FRYL: variants seen among roughly 807,000 people sequenced by gnomAD.
The protein encoded by FRYL is FRY like transcription coactivator, also known as protein furry homolog-like.
Under a neutral mutation model 351.2 loss-of-function variants are expected in FRYL, and 150 were observed. The observed-to-expected ratio is 0.43, with a 90% CI of 0.37 to 0.49. The LOEUF is 0.49. Among genes scored for constraint, FRYL ranks in the 20% least tolerant of loss-of-function variants. FRYL has a pLI of 0.00. For missense variants in FRYL, 3,036 were observed against 3,619.3 expected (o/e 0.84, Z 4.13); for synonymous variants, 1,153 against 1,257.1 (o/e 0.92, Z 1.75).
chr4:48,565,768 T>A, intron 28 of FRYL, 77 bp from the exon 29 acceptor site: 1 of 1,346,374 alleles, frequency 7.4e-7, no homozygotes, highest in Non-Finnish European at 1.0e-6. Flanking sequence ...TGTTATTGAA[T>A]GTGTAATAGT....
intron 1 of FRYL, among the ~76,000 whole-genome samples, chr4:48,773,494 T>C (rs1211922105): frequency 1.3e-5 from 2 of 152,102 alleles, no homozygotes; most frequent in African/African-American, 4.8e-5. Flanking sequence ...GAAACCTAAA[T>C]TGTTTACTTG....
In FRYL at chr4:48,591,667, G is replaced by A. The variant is rs1312459548; in HGVS notation, c.1336-837C>T. On this transcript the variant is annotated intron_variant, in intron 16 of 63. Transcript: ENST00000358350. ...TGACCTGGGTATTAAATGTTAGACT[G>A]CTTCAAGGCAACGTTCTCCTGGGCT... Among the ~76,000 whole-genome samples, 4 of 152,046 alleles carry A rather than the reference G, an allele frequency of 2.6e-5. No homozygotes were observed. In the South Asian group the frequency reaches 6.2e-4, roughly 24 times the overall value.
chr4:48,622,324 G>A (rs1750820870), intron 5 of FRYL, among the ~76,000 whole-genome samples: 2 of 152,136 alleles, frequency 1.3e-5, no homozygotes, highest in African/African-American at 2.4e-5. Context: ...TAGTCTTATT[G>A]TAACAGAGGT....
intron 33 of FRYL, among the ~76,000 whole-genome samples, chr4:48,558,513 T>G (rs544225504): frequency 6.6e-6 from 1 of 152,336 alleles, no homozygotes; most frequent in South Asian, 2.1e-4. Context: ...AGAGGTCTAT[T>G]TCACAACAAT....
intron 49 of FRYL, among the ~76,000 whole-genome samples, chr4:48,531,917 G>A (rs1448566791): frequency 2.6e-5 from 4 of 151,720 alleles, no homozygotes. Context: ...TGTAGGGTGA[G>A]GTTTTTTTTT....
Position 48,531,264 on chromosome 4 carries a change from G to C in FRYL, c.6795C>G (p.Thr2265=), listed in dbSNP as rs1346979690. ...CAGGAGAACCTGTATCTCCTCCATA[G>C]GTCTTGGGGATATCACTGGGTACGA... ...SLVVPSDIPK[T]YGGDTGSPEI... is the part of the protein sequence containing the mutation. The change falls in exon 50 of 64, where the codon ACC becomes ACG. Residue 2265 remains threonine (T), a synonymous_variant. Coordinates refer to ENST00000358350, the MANE Select transcript of FRYL (RefSeq NM_015030.2). 5.0e-6 allele frequency: 8 copies of C among 1,612,522 alleles called. No individual in the cohort carries two copies. The highest frequency in any genetic ancestry group is 2.2e-5 in the East Asian group (1 of 44,860).
At chr4:48,739,762 T>C (rs1771844323) in intron 1 of FRYL, among the ~76,000 whole-genome samples, 1 of 152,148 alleles carries the variant, frequency 6.6e-6, no homozygotes, top group Admixed American at 6.5e-5. Flanking sequence ...AACTTAATCC[T>C]CGATGTGGTA....
intron 47 of FRYL, among the ~76,000 whole-genome samples, chr4:48,538,473 G>A (rs1197024860): frequency 1.3e-5 from 2 of 152,078 alleles, no homozygotes; most frequent in African/African-American, 2.4e-5. Context: ...ATGCTAATGG[G>A]ATTCATTGGG....
intron 3 of FRYL, among the ~76,000 whole-genome samples, chr4:48,652,231 A>T (rs1235484484): frequency 6.6e-6 from 1 of 152,238 alleles, no homozygotes; most frequent in East Asian, 1.9e-4. Flanking sequence ...TTACAAGACA[A>T]GCTGCTGTGA....
Position 48,582,718 on chromosome 4 carries a change from C to A in FRYL, c.1765G>T (p.Asp589Tyr). 6.2e-7 allele frequency: 1 copy of A among 1,613,664 alleles called. No homozygotes were observed. Among genetic ancestry groups the A allele is most frequent in the Non-Finnish European group, 8.5e-7 (1 of 1,179,700 alleles). ...ELLARLTIHM[D>Y]EELRALAFNT... ...AAAGCCAGAGCACGCAGTTCTTCAT[C>A]CATATGAATTGTGAGCCTACCAAGA... Residue 589 changes from aspartate (D) to tyrosine (Y), a missense_variant, in exon 20 of 64, where the codon GAT becomes TAT. Transcript: ENST00000358350.
chr4:48,574,510 A>C (rs1292060816), intron 25 of FRYL: 1 of 152,160 alleles, frequency 6.6e-6, no homozygotes, highest in East Asian at 1.9e-4. Flanking sequence ...ATACAATCTG[A>C]AGCGAAACCA....
intron 4 of FRYL, among the ~76,000 whole-genome samples, chr4:48,631,939 G>C (rs1294347040): frequency 6.7e-6 from 1 of 149,570 alleles, no homozygotes; most frequent in Non-Finnish European, 1.5e-5. Flanking sequence ...TGTAGTCTCA[G>C]CTACTCAGGA....
At chr4:48,537,420 A>G (rs927107589) in intron 47 of FRYL, among the ~76,000 whole-genome samples, 2 of 152,184 alleles carry the variant, frequency 1.3e-5, no homozygotes, top group African/African-American at 4.8e-5. Flanking sequence ...ACGAATCACT[A>G]AAGAGAAAAA....
intron 4 of FRYL, among the ~76,000 whole-genome samples, chr4:48,624,722 CATT>C (rs1751418922): frequency 6.6e-6 from 1 of 152,190 alleles, no homozygotes; most frequent in Admixed American, 6.5e-5. Flanking sequence ...TTTGATTAAA[CATT>C]ATTCTGGATG....
chr4:48,644,872 T>C (rs1756076666), intron 3 of FRYL, among the ~76,000 whole-genome samples: 1 of 151,726 alleles, frequency 6.6e-6, no homozygotes, highest in Non-Finnish European at 1.5e-5. Context: ...ATTTAAAATA[T>C]TTAGGAGAAA....
At position 48,634,478 on chromosome 4, in the gene FRYL, A is replaced by T; in HGVS notation, c.-68T>A. 1 of 1,609,788 alleles carries T rather than the reference A, an allele frequency of 6.2e-7. No homozygotes were observed. The highest frequency in any genetic ancestry group is 8.5e-7 in the Non-Finnish European group (1 of 1,177,470). On this transcript the variant is annotated 5_prime_UTR_variant, in exon 4 of 64. Coordinates refer to ENST00000358350, the MANE Select transcript of FRYL (RefSeq NM_015030.2). ...AGCACAGTATTTATTTACTTTGCTG[A>T]CTGGCGCTGAAGCTAAAAGTAAAAG...
At chr4:48,604,267 G>A (rs1172298214) in intron 11 of FRYL, among the ~76,000 whole-genome samples, 1 of 152,182 alleles carries the variant, frequency 6.6e-6, no homozygotes, top group African/African-American at 2.4e-5. Context: ...AAGAGGGGAG[G>A]GAGGTTACTA....
At chr4:48,668,047 G>C (rs1221372616) in intron 3 of FRYL, among the ~76,000 whole-genome samples, 1 of 152,092 alleles carries the variant, frequency 6.6e-6, no homozygotes, top group Non-Finnish European at 1.5e-5. Flanking sequence ...TTGGAAAACT[G>C]ACCCCCAAGG....
At chr4:48,681,171 T>C (rs1764549373) in intron 3 of FRYL, 1 of 895,560 alleles carries the variant, frequency 1.1e-6, no homozygotes, top group African/African-American at 1.8e-5. Context: ...CACAGAAAGG[T>C]GCCTATACCA....
Sources: gnomAD v4.1 joint callset for allele counts (sites outside exome capture counted in the v4.1 genomes callset) on GRCh38, gnomAD v4.1.1 for gene constraint, MANE v1.5 for transcripts, NCBI Gene and HGNC (gene_info 2026-07-23, HGNC 2026-07-21) for gene names.